BNIP1: variants seen among roughly 807,000 people sequenced by gnomAD.
The protein encoded by BNIP1 is BCL2 interacting protein 1, also known as vesicle transport protein SEC20.
In BNIP1, 25 loss-of-function variants were observed where a neutral mutation model predicts 28.5. The ratio of observed to expected loss-of-function variants is 0.88; its 90% confidence interval spans 0.64 to 1.23. The LOEUF (loss-of-function observed/expected upper bound fraction) is 1.23, where lower values mean the gene tolerates loss of function less well. BNIP1 is among the 50% of genes most tolerant of loss of function. BNIP1 has a pLI of 0.00. For missense variants in BNIP1, 276 were observed against 277.0 expected (o/e 1.00, Z 0.02); for synonymous variants, 118 against 101.7 (o/e 1.16, Z -0.96).
chr5:173,157,424 T>C (rs536533188), intron 3 of BNIP1, among the ~76,000 whole-genome samples: 1 of 152,260 alleles, frequency 6.6e-6, no homozygotes, highest in South Asian at 2.1e-4. Flanking sequence ...ACATTTCTTT[T>C]TTTTTTTGAG....
rs373131325 is a variant in BNIP1 at position 173,160,992 on chromosome 5, C to T, written c.490+941C>T. The T allele has an allele frequency of 1.3e-4, 48 of 374,204 alleles. No homozygotes were observed. In the East Asian group the frequency reaches 1.6e-3, roughly 13 times the overall value. 23.2% of individuals were successfully genotyped at this position (374,204 alleles called of 1,614,324 possible). ...GAAAAAGGGCGTTTACTCCTTGAAA[C>T]GCTTTTGGAAAATTGCACACGTGGA... is the stretch of plus-strand genomic sequence containing the variant. On this transcript the variant is annotated intron_variant, in intron 5 of 5. Coordinates refer to ENST00000351486, the MANE Select transcript of BNIP1 (RefSeq NM_001205.3).
chr5:173,146,908 C>T lies in BNIP1; in HGVS notation c.127C>T (p.Leu43=), dbSNP rs767830365. ...AGGACCCTTAAGTGCTCTTACTGAA[C>T]TGAATACTAAAGTAAAAGAGAAATT... ...CSGPLSALTE[L]NTKVKEKFQQ... The change falls in exon 2 of 6, where the codon CTG becomes TTG. Residue 43 remains leucine (L), a synonymous_variant. Coordinates refer to ENST00000351486, the MANE Select transcript of BNIP1 (RefSeq NM_001205.3). The T allele has an allele frequency of 6.2e-7, 1 of 1,614,020 alleles. No individual in the cohort carries two copies. Among genetic ancestry groups the T allele is most frequent in the South Asian group, 1.1e-5 (1 of 91,078 alleles).
chr5:173,151,559 T>C lies in BNIP1; in HGVS notation c.178-2763T>C, dbSNP rs1320367098. ...TAAATAACTGTCATTTTTTTTTTTTTTTTTAGCCAGTTCTCTATCAAAGGG... is the reference window on the plus strand; with the variant it reads ...TAAATAACTGTCATTTTTTTTTTTTCTTTTAGCCAGTTCTCTATCAAAGGG... On this transcript the variant is annotated intron_variant, in intron 2 of 5. Transcript: ENST00000351486. 6.3e-6 allele frequency: 10 copies of C among 1,587,296 alleles called. No individual in the cohort carries two copies. The East Asian group carries it at 1.8e-4, about 28-fold the overall frequency.
chr5:173,147,752 T>C (rs1759882578), intron 2 of BNIP1, among the ~76,000 whole-genome samples: 1 of 152,128 alleles, frequency 6.6e-6, no homozygotes, highest in Non-Finnish European at 1.5e-5. Flanking sequence ...TTTTATTTAT[T>C]TCACATTTTA....
In BNIP1 at chr5:173,146,956, C is replaced by T. The variant is rs1288156348; in HGVS notation, c.175C>T (p.Gln59Ter). ...EKFQQLRHRIQDLEQLAKEQD... is the reference protein window; with the variant it reads ...EKFQQLRHRI ...ATTTCAACAGTTGCGTCACAGAATA[C>T]AGGTGGGTATTCTCAATTCAGTCAA... Residue 59 changes from glutamine to a stop codon, truncating the protein, a stop_gained and splice_region_variant, in exon 2 of 6, where the codon CAG becomes TAG. Transcript: ENST00000351486. LOFTEE classifies it high-confidence loss of function. 4 of 1,610,978 alleles carry T rather than the reference C, an allele frequency of 2.5e-6. No homozygotes were observed. In the African/African-American group the frequency reaches 5.3e-5, roughly 22 times the overall value.
chr5:173,160,029 C>T lies in BNIP1; in HGVS notation c.468C>T (p.Ser156=), dbSNP rs746561482. The T allele has an allele frequency of 2.9e-5, 46 of 1,613,830 alleles. No individual in the cohort carries two copies. Among genetic ancestry groups the T allele is most frequent in the East Asian group, 2.2e-4 (10 of 44,884 alleles). ...SRMMAQQVQQ[S]EEAMQSLVTS... is the part of the protein sequence containing the mutation. ...TGATGGCCCAGCAGGTCCAGCAGAG[C>T]GAGGAGGCCATGCAGTCTCTAGGTA... Residue 156 remains serine (S), a synonymous_variant, in exon 5 of 6, where the codon AGC becomes AGT. Coordinates refer to ENST00000351486, the MANE Select transcript of BNIP1 (RefSeq NM_001205.3).
At chr5:173,160,818 T>C (rs1420555202) in intron 5 of BNIP1, 1 of 456,144 alleles carries the variant, frequency 2.2e-6, no homozygotes, top group African/African-American at 2.0e-5. Context: ...TTATTTTTCC[T>C]ATGAGTTCCT....
At position 173,157,823 on chromosome 5, in the gene BNIP1, A is replaced by G. The variant is rs188353464; in HGVS notation, c.270-921A>G. ...CCGCCGTGTCAGTCAGGGCTCTGCT[A>G]ATCCATCATGTTTGTGTCATTCATG... On this transcript the variant is annotated intron_variant, in intron 3 of 5. Coordinates refer to ENST00000351486, the MANE Select transcript of BNIP1 (RefSeq NM_001205.3). 5.9e-5 allele frequency among the ~76,000 whole-genome samples: 9 copies of G among 152,266 alleles called. No individual in the cohort carries two copies. In the East Asian group the frequency reaches 1.5e-3, roughly 26 times the overall value.
chr5:173,161,115 G>T, intron 5 of BNIP1: 1 of 246,388 alleles, frequency 4.1e-6, no homozygotes. Flanking sequence ...TCCCCCATCT[G>T]GATTATTTTG....
Position 173,144,674 on chromosome 5 carries a change from A to T in BNIP1, c.84+45A>T, listed in dbSNP as rs377146583. ...TGCCGGGCTCCAGCAGCCCTAACCCAAGCTCTGCTGGTCTGTGAGCTTGGC... is the reference window on the plus strand; with the variant it reads ...TGCCGGGCTCCAGCAGCCCTAACCCTAGCTCTGCTGGTCTGTGAGCTTGGC... On this transcript the variant is annotated intron_variant, in intron 1 of 5. Transcript: ENST00000351486. 2.5e-6 allele frequency: 4 copies of T among 1,596,682 alleles called. No homozygotes were observed. In the African/African-American group the frequency reaches 5.4e-5, roughly 21 times the overall value.
chr5:173,155,702 A>C (rs994359903), intron 3 of BNIP1, among the ~76,000 whole-genome samples: 3 of 152,092 alleles, frequency 2.0e-5, no homozygotes, highest in African/African-American at 7.2e-5. Context: ...TAAAAACAAA[A>C]AAAAAATATT....
Position 173,160,045 on chromosome 5 carries a change from T to TAGGTTTA in BNIP1, c.484_485insAGGTTTA (p.Ser162Ter). On this transcript the variant is annotated stop_gained and frameshift_variant, in exon 5 of 6. Coordinates refer to ENST00000351486, the MANE Select transcript of BNIP1 (RefSeq NM_001205.3). LOFTEE classifies it high-confidence loss of function. ...CCAGCAGAGCGAGGAGGCCATGCAGTCTCTAGGTAAAGCTGGGCCTGGAGT... is the reference window on the plus strand; with the variant it reads ...CCAGCAGAGCGAGGAGGCCATGCAGTAGGTTTACTCTAGGTAAAGCTGGGCCTGGAGT... 6.2e-7 allele frequency: 1 copy of TAGGTTTA among 1,613,544 alleles called. No individual in the cohort carries two copies. The highest frequency in any genetic ancestry group is 2.2e-5 in the East Asian group (1 of 44,846).
intron 2 of BNIP1, among the ~76,000 whole-genome samples, chr5:173,152,539 C>T (rs1229143949): frequency 2.0e-5 from 3 of 151,592 alleles, no homozygotes; most frequent in Non-Finnish European, 3.0e-5. Flanking sequence ...TTAGTGGAGA[C>T]GGGGTTTCAC....
chr5:173,158,869 G>T, intron 4 of BNIP1, 24 bp downstream of exon 4: 1 of 1,580,862 alleles, frequency 6.3e-7, no homozygotes, highest in Non-Finnish European at 8.7e-7. Flanking sequence ...TATTTTTCTG[G>T]GCTCCGATAA....
chr5:173,153,159 G>A (rs1185318606), intron 2 of BNIP1, among the ~76,000 whole-genome samples: 4 of 151,694 alleles, frequency 2.6e-5, no homozygotes, highest in Admixed American at 6.6e-5. Flanking sequence ...CAGCTGGGTC[G>A]AGGCCAAGTC....
intron 2 of BNIP1, among the ~76,000 whole-genome samples, chr5:173,153,388 C>G (rs973062988): frequency 6.6e-6 from 1 of 151,916 alleles, no homozygotes; most frequent in South Asian, 2.1e-4. Context: ...CCACCACGCC[C>G]GGCTAATTTT....
chr5:173,154,124 G>T (rs1390737967), intron 2 of BNIP1, among the ~76,000 whole-genome samples, 198 bp from the exon 3 acceptor site: 5 of 152,102 alleles, frequency 3.3e-5, no homozygotes, highest in African/African-American at 1.2e-4. Context: ...TGGGCCATAG[G>T]GGTTTTCCTT....
rs1760440348 is a variant in BNIP1 at position 173,163,994 on chromosome 5, T to C, written c.*73T>C. The C allele has an allele frequency of 2.8e-6, 4 of 1,428,948 alleles. No homozygotes were observed. The South Asian group carries it at 6.2e-5, about 22-fold the overall frequency. The allele number at this position is 1,428,948 out of a possible 1,614,324, so 88.5% of individuals were successfully genotyped here. On this transcript the variant is annotated 3_prime_UTR_variant, in exon 6 of 6. Transcript: ENST00000351486. Reference sequence around the variant, plus strand: ...CTGTCCTGGTTCCTGAGCTCTAGGCTGCTAAGCTGAGCCACACACCCCTCC... The same window carrying C: ...CTGTCCTGGTTCCTGAGCTCTAGGCCGCTAAGCTGAGCCACACACCCCTCC...
chr5:173,162,215 G>A (rs1561600306), intron 5 of BNIP1, among the ~76,000 whole-genome samples: 2 of 152,290 alleles, frequency 1.3e-5, no homozygotes, highest in East Asian at 3.9e-4. Context: ...ATTAATTTTA[G>A]TAAGATGTTT....
Sources: allele counts gnomAD v4.1 joint callset (sites outside exome capture counted in the v4.1 genomes callset), GRCh38; gene constraint gnomAD v4.1.1; transcripts MANE v1.5; gene names NCBI Gene and HGNC (gene_info 2026-07-23, HGNC 2026-07-21).